The following ANKRD55 variants were observed in gnomAD, a reference collection of about 807,000 sequenced individuals.
ANKRD55 encodes ankyrin repeat domain 55.
ANKRD55 carries 41 observed loss-of-function variants against 60.6 expected under a neutral mutation model. The observed-to-expected ratio is 0.68, with a 90% CI of 0.53 to 0.88. The LOEUF (loss-of-function observed/expected upper bound fraction) is 0.88, where lower values mean the gene tolerates loss of function less well. Ranked by LOEUF, ANKRD55 falls within the 40% of genes least tolerant of loss-of-function variation. ANKRD55 has a pLI of 0.00. For missense variants in ANKRD55, 732 were observed against 767.6 expected, an observed-to-expected ratio of 0.95 and a Z score of 0.55; for synonymous variants, 264 against 290.3, an observed-to-expected ratio of 0.91 and a Z score of 0.92.
chr5:56,161,392 T>C (rs947397452), intron 5 of ANKRD55, among the ~76,000 whole-genome samples: 10 of 152,246 alleles, frequency 6.6e-5, no homozygotes, highest in African/African-American at 2.4e-4. Flanking sequence ...GAAGAATTAT[T>C]TGTAAAATGA....
intron 7 of ANKRD55, among the ~76,000 whole-genome samples, chr5:56,129,256 G>A (rs1412056795): frequency 6.6e-6 from 1 of 152,140 alleles, no homozygotes; most frequent in Non-Finnish European, 1.5e-5. Flanking sequence ...TGGGTCCTTA[G>A]GAAGAATCGA....
In ANKRD55 at chr5:56,135,305, T is replaced by TTCTG. The variant is rs1172320901; in HGVS notation, c.613-8200_613-8199insCAGA. ...CTGCCTGCCTGCTTGCTTTCTTTCT[T>TTCTG]TCTTTCTTTCTTTCTTTCTTTCTTT... On this transcript the variant is annotated intron_variant, in intron 7 of 11. Coordinates refer to ENST00000341048, the MANE Select transcript of ANKRD55 (RefSeq NM_024669.3). Among the ~76,000 whole-genome samples the TTCTG allele has an allele frequency of 4.1e-3, 38 of 9,380 alleles. 1 individual carries two copies. Among genetic ancestry groups the TTCTG allele is most frequent in the African/African-American group, 0.028 (38 of 1,376 alleles). The allele number at this position is 9,380 out of a possible 152,430, so 6.2% of individuals were successfully genotyped here. A position where few individuals can be genotyped will look rare whatever the true frequency, so the allele number is the denominator to read the frequency against.
At chr5:56,165,342 T>C (rs571918682) in intron 5 of ANKRD55, among the ~76,000 whole-genome samples, 1 of 152,260 alleles carries the variant, frequency 6.6e-6, no homozygotes, top group South Asian at 2.1e-4. Flanking sequence ...TGTGCACACA[T>C]TTTTGTGGAC....
chr5:56,203,845 A>G (rs1041055366), intron 2 of ANKRD55, among the ~76,000 whole-genome samples: 1 of 152,244 alleles, frequency 6.6e-6, no homozygotes, highest in African/African-American at 2.4e-5. Flanking sequence ...CTTTGGGTAT[A>G]TACCCAGTAA....
intron 4 of ANKRD55, among the ~76,000 whole-genome samples, chr5:56,173,011 AT>A (rs1464767234): frequency 6.6e-6 from 1 of 152,118 alleles, no homozygotes; most frequent in Non-Finnish European, 1.5e-5. Context: ...TCAAAGACAA[AT>A]TTTACCCACC....
chr5:56,112,504 C>CAAAAAAAAAAAAAAAAACAAAAA (rs1756745530), intron 9 of ANKRD55, among the ~76,000 whole-genome samples: 1 of 25,698 alleles, frequency 3.9e-5, no homozygotes, highest in African/African-American at 1.8e-4. Context: ...TCATCTCTAG[C>CAAAAAAAAAAAAAAAAACAAAAA]AAAAAAAAAA....
At chr5:56,105,126 T>G (rs161206) in intron 10 of ANKRD55, among the ~76,000 whole-genome samples, 60,586 of 150,018 alleles carry the variant, frequency 0.4, 13,922 homozygotes, top group African/African-American at 0.65. Context: ...TCACTCTGTT[T>G]CTCAGGATGG....
chr5:56,164,662 C>A (rs879337927), intron 5 of ANKRD55, among the ~76,000 whole-genome samples: 1 of 152,156 alleles, frequency 6.6e-6, no homozygotes, highest in Non-Finnish European at 1.5e-5. Context: ...CAACTCTGTT[C>A]TCTTTGGAGC....
rs554255763 is a variant in ANKRD55 at position 56,159,714 on chromosome 5, A to T, written c.483+119T>A. On this transcript the variant is annotated intron_variant, in intron 6 of 11. Coordinates refer to ENST00000341048, the MANE Select transcript of ANKRD55 (RefSeq NM_024669.3). Reference sequence around the variant, plus strand: ...CAGGTCTCCCTTTCAGGGTAGGAACACAGAACCATGCCTCATGTCTCCCCG... The same window carrying T: ...CAGGTCTCCCTTTCAGGGTAGGAACTCAGAACCATGCCTCATGTCTCCCCG... The T allele has an allele frequency of 5.9e-5, 59 of 1,001,038 alleles. No homozygotes were observed. In the South Asian group the frequency reaches 7.3e-4, roughly 12 times the overall value. 62.0% of individuals were successfully genotyped at this position (1,001,038 alleles called of 1,614,324 possible). A position where few individuals can be genotyped will look rare whatever the true frequency, so the allele number is the denominator to read the frequency against.
At chr5:56,107,749 G>C (rs1288124103) in intron 10 of ANKRD55, among the ~76,000 whole-genome samples, 1 of 152,126 alleles carries the variant, frequency 6.6e-6, no homozygotes, top group Non-Finnish European at 1.5e-5. Flanking sequence ...CCCTCGAGGA[G>C]AGAAGCCATA....
chr5:56,107,428 C>T (rs1037469767), intron 10 of ANKRD55, among the ~76,000 whole-genome samples: 1 of 152,094 alleles, frequency 6.6e-6, no homozygotes, highest in African/African-American at 2.4e-5. Context: ...CCCCAAACCA[C>T]GTTTATTGAA....
At chr5:56,229,089 G>A (rs1277377786) in intron 2 of ANKRD55, among the ~76,000 whole-genome samples, 3 of 133,002 alleles carry the variant, frequency 2.3e-5, no homozygotes, top group African/African-American at 6.0e-5. Flanking sequence ...CCGACCCCTC[G>A]CCTGTTTTTT....
At chr5:56,190,615 A>G (rs2111842397) in intron 2 of ANKRD55, among the ~76,000 whole-genome samples, 1 of 152,316 alleles carries the variant, frequency 6.6e-6, no homozygotes, top group Non-Finnish European at 1.5e-5. Context: ...CTATAACACA[A>G]TACTATAGAC....
chr5:56,183,981 C>A (rs553770570), intron 2 of ANKRD55, among the ~76,000 whole-genome samples: 24 of 152,220 alleles, frequency 1.6e-4, no homozygotes, highest in Non-Finnish European at 2.5e-4. Flanking sequence ...CCTTTTTGAT[C>A]TGGAACATGT....
At chr5:56,233,107 A>T (rs551533134) in intron 1 of ANKRD55, 134 bp downstream of exon 1, 74 of 604,768 alleles carry the variant, frequency 1.2e-4, no homozygotes, top group Non-Finnish European at 2.0e-4. Flanking sequence ...TCCTGTAAAT[A>T]CCTGCTAGGA....
chr5:56,206,012 A>T (rs1402916862), intron 2 of ANKRD55, among the ~76,000 whole-genome samples: 1 of 140,242 alleles, frequency 7.1e-6, no homozygotes, highest in Non-Finnish European at 1.5e-5. Context: ...TCTGACTCCC[A>T]TCGCCCAGGC....
chr5:56,144,177 A>G (rs1450040783), intron 6 of ANKRD55, among the ~76,000 whole-genome samples: 1 of 152,238 alleles, frequency 6.6e-6, no homozygotes, highest in African/African-American at 2.4e-5. Flanking sequence ...CCTCATGGAA[A>G]TTGCTCTGTG....
At chr5:56,176,960 C>T (rs995930912) in intron 3 of ANKRD55, among the ~76,000 whole-genome samples, 6 of 152,104 alleles carry the variant, frequency 3.9e-5, no homozygotes, top group Admixed American at 3.9e-4. Context: ...CACTCCTTGC[C>T]CAGTCGAGAC....
intron 2 of ANKRD55, among the ~76,000 whole-genome samples, chr5:56,205,346 C>T (rs949485282): frequency 6.6e-6 from 1 of 152,198 alleles, no homozygotes; most frequent in African/African-American, 2.4e-5. Context: ...TAGGTGTGAG[C>T]CACTGCACCT....
Sources: gnomAD v4.1 joint callset for allele counts (sites outside exome capture counted in the v4.1 genomes callset) on GRCh38, gnomAD v4.1.1 for gene constraint, MANE v1.5 for transcripts, NCBI Gene and HGNC (gene_info 2026-07-23, HGNC 2026-07-21) for gene names.